Variants in LRP1B observed in about 807,000 individuals in gnomAD.
The protein encoded by LRP1B is low-density lipoprotein receptor-related protein 1B.
LRP1B carries 217 observed loss-of-function variants against 556.6 expected under a neutral mutation model. The ratio of observed to expected loss-of-function variants is 0.39; its 90% CI spans 0.35 to 0.44. The LOEUF (loss-of-function observed/expected upper bound fraction) is 0.44. Among genes scored for constraint, LRP1B ranks in the 20% least tolerant of loss-of-function variants. LRP1B has a pLI of 1.00. For missense variants in LRP1B, 5,053 were observed against 5,620.8 expected, an observed-to-expected ratio of 0.90 and a Z score of 3.23; for synonymous variants, 2,047 against 1,865.8, an observed-to-expected ratio of 1.10 and a Z score of -2.50.
At chr2:141,280,457 A>G (rs1685469992) in intron 3 of LRP1B, among the ~76,000 whole-genome samples, 2 of 152,056 alleles carry the variant, frequency 1.3e-5, no homozygotes, top group Non-Finnish European at 2.9e-5. Flanking sequence ...ATTACAAGAA[A>G]CAACATATAA....
chr2:140,507,003 T>C (rs1458297673), intron 52 of LRP1B, 85 bp from the exon 53 acceptor site: 2 of 1,363,728 alleles, frequency 1.5e-6, no homozygotes, highest in African/African-American at 2.9e-5. Context: ...ATATATAAAA[T>C]CATATCCAAT....
chr2:141,047,003 A>G (rs930905498), intron 11 of LRP1B, among the ~76,000 whole-genome samples: 7 of 83,840 alleles, frequency 8.3e-5, no homozygotes, highest in African/African-American at 2.4e-4. Context: ...AATCACTTAA[A>G]CTTCGGAGGC....
At chr2:140,838,890 G>T (rs576789414) in intron 31 of LRP1B, among the ~76,000 whole-genome samples, 1 of 152,166 alleles carries the variant, frequency 6.6e-6, no homozygotes, top group East Asian at 1.9e-4. Context: ...ACATGCATAT[G>T]GGTAAAATAT....
intron 3 of LRP1B, among the ~76,000 whole-genome samples, chr2:141,287,302 G>T (rs948623611): frequency 3.1e-4 from 46 of 150,456 alleles, no homozygotes; most frequent in African/African-American, 1.1e-3. Flanking sequence ...ATTAATTTTT[G>T]ACTATTTTTG....
chr2:142,127,570 T>C (rs1283103418), intron 1 of LRP1B, among the ~76,000 whole-genome samples: 1 of 151,980 alleles, frequency 6.6e-6, no homozygotes, highest in East Asian at 1.9e-4. Context: ...AAATTTGAGC[T>C]TGAGAAGAGA....
At chr2:141,786,020 T>C (rs1422573685) in intron 2 of LRP1B, among the ~76,000 whole-genome samples, 1 of 151,900 alleles carries the variant, frequency 6.6e-6, no homozygotes, top group East Asian at 1.9e-4. Context: ...TTGGAGATGA[T>C]GGAGTGAGAT....
chr2:141,445,998 A>G (rs1201113050), intron 3 of LRP1B, among the ~76,000 whole-genome samples: 1 of 152,012 alleles, frequency 6.6e-6, no homozygotes, highest in African/African-American at 2.4e-5. Flanking sequence ...TTGTTGATCT[A>G]TCTAATTTTG....
intron 27 of LRP1B, among the ~76,000 whole-genome samples, chr2:140,859,011 G>C (rs1265066870): frequency 2.0e-5 from 3 of 151,824 alleles, no homozygotes; most frequent in Non-Finnish European, 4.4e-5. Flanking sequence ...GAAAATACAG[G>C]GTTTCACCAT....
intron 89 of LRP1B, among the ~76,000 whole-genome samples, chr2:140,235,516 G>A (rs1680655196): frequency 6.6e-6 from 1 of 150,876 alleles, no homozygotes. Context: ...AGAACTAGCT[G>A]TTTTTTTCTG....
chr2:140,749,210 T>C (rs920080749), intron 35 of LRP1B, among the ~76,000 whole-genome samples: 2 of 152,166 alleles, frequency 1.3e-5, no homozygotes, highest in African/African-American at 4.8e-5. Flanking sequence ...AGCCAGTGAA[T>C]GAGTGTTGAG....
At chr2:140,385,442 G>A (rs915392848) in intron 67 of LRP1B, among the ~76,000 whole-genome samples, 2 of 152,118 alleles carry the variant, frequency 1.3e-5, no homozygotes, top group Non-Finnish European at 2.9e-5. Flanking sequence ...AATATATAAG[G>A]TGTTGACTAC....
intron 31 of LRP1B, among the ~76,000 whole-genome samples, chr2:140,832,195 C>T (rs1303458143): frequency 6.6e-6 from 1 of 152,002 alleles, no homozygotes; most frequent in Non-Finnish European, 1.5e-5. Context: ...GGATGCAAAA[C>T]CCACATATTT....
intron 41 of LRP1B, among the ~76,000 whole-genome samples, chr2:140,678,797 G>A (rs1402195481): frequency 2.0e-5 from 3 of 150,632 alleles, no homozygotes; most frequent in Non-Finnish European, 4.4e-5. Flanking sequence ...GGTTGGGGGG[G>A]AATGGAGTCT....
At chr2:142,059,316 C>T (rs1396011495) in intron 1 of LRP1B, among the ~76,000 whole-genome samples, 2 of 152,000 alleles carry the variant, frequency 1.3e-5, no homozygotes, top group African/African-American at 4.8e-5. Context: ...CTTAAATATG[C>T]AAATTTAAAA....
rs35979538 is a variant in LRP1B, at chr2:141,074,516, A to G, written c.1014-12243T>C. On this transcript the variant is annotated intron_variant, in intron 7 of 90. Coordinates refer to ENST00000389484, the MANE Select transcript of LRP1B (RefSeq NM_018557.3). ...TTGCTTGACTCAGTGTTATATGCTT[A>G]GAACTTAGCCATATGTCTGCACATA... 5.6e-3 allele frequency among the ~76,000 whole-genome samples: 842 copies of G among 151,214 alleles called. 4 individuals are homozygous for G. The highest frequency in any genetic ancestry group is 7.2e-3 in the Non-Finnish European group (486 of 67,742).
At chr2:140,278,729 A>G (rs377337095) in intron 84 of LRP1B, among the ~76,000 whole-genome samples, 8 of 151,982 alleles carry the variant, frequency 5.3e-5, no homozygotes, top group South Asian at 2.1e-4. Flanking sequence ...AAGCCATGCC[A>G]TTTTTTCCCC....
rs750617220 is a variant in LRP1B at position 140,989,516 on chromosome 2, C to CCA, written c.2770+14_2770+15dup. On this transcript the variant is annotated intron_variant, in intron 17 of 90. Coordinates refer to ENST00000389484, the MANE Select transcript of LRP1B (RefSeq NM_018557.3). The stretch of plus-strand genomic sequence containing the variant: ...CTTTGGAGGAGATTTACGTGTATAT[C>CCA]CAAGCAAACCTTTACCTGTGCAAGT... 1.4e-5 allele frequency: 23 copies of CCA among 1,612,014 alleles called. No individual in the cohort carries two copies. In the South Asian group the frequency reaches 2.5e-4, roughly 18 times the overall value.
intron 2 of LRP1B, among the ~76,000 whole-genome samples, chr2:141,482,441 T>C (rs557790385): frequency 1.8e-3 from 271 of 152,212 alleles, no homozygotes; most frequent in Non-Finnish European, 1.7e-3. Flanking sequence ...ACTCATTTTC[T>C]GTAACATGCT....
At chr2:140,590,342 T>TA (rs146205526) in intron 43 of LRP1B, among the ~76,000 whole-genome samples, 14 of 99,258 alleles carry the variant, frequency 1.4e-4, no homozygotes, top group Non-Finnish European at 2.3e-4. Flanking sequence ...AATGTGTGTG[T>TA]GTATATATAT....
Sources: gnomAD v4.1 joint callset for allele counts (sites outside exome capture counted in the v4.1 genomes callset) on GRCh38, gnomAD v4.1.1 for gene constraint, MANE v1.5 for transcripts, NCBI Gene and HGNC (gene_info 2026-07-23, HGNC 2026-07-21) for gene names.